The following ADAMTS9 variants were observed in gnomAD, a reference collection of about 807,000 sequenced individuals.
The protein encoded by ADAMTS9 is ADAM metallopeptidase with thrombospondin type 1 motif 9.
In ADAMTS9, 107 loss-of-function variants were observed where a neutral mutation model predicts 257.1. The ratio of observed to expected loss-of-function variants is 0.42; its 90% CI spans 0.36 to 0.49. The LOEUF (loss-of-function observed/expected upper bound fraction) is 0.49. ADAMTS9 is among the 20% of genes least tolerant of loss of function. The pLI is 0.03. For synonymous variants in ADAMTS9, 982 were observed against 880.9 expected, an observed-to-expected ratio of 1.11 and a Z score of -2.03; for missense variants, 2,353 against 2,469.1, an observed-to-expected ratio of 0.95 and a Z score of 1.00.
chr3:64,641,673 A>T (rs372878249), intron 12 of ADAMTS9, among the ~76,000 whole-genome samples, 175 bp downstream of exon 12: 4 of 152,082 alleles, frequency 2.6e-5, no homozygotes, highest in Admixed American at 6.5e-5. Flanking sequence ...ACAATAATAC[A>T]GGGGGAAGTG....
intron 3 of ADAMTS9, among the ~76,000 whole-genome samples, chr3:64,662,144 T>C (rs1023138262): frequency 1.2e-4 from 18 of 152,046 alleles, no homozygotes; most frequent in African/African-American, 3.9e-4. Context: ...TCTCAAAATA[T>C]TTTCTGCTTT....
chr3:64,533,197 T>C lies in ADAMTS9; in HGVS notation c.5687A>G (p.Asn1896Ser), dbSNP rs759457699. The C allele has an allele frequency of 6.2e-7, 1 of 1,614,122 alleles. No homozygotes were observed. The highest frequency in any genetic ancestry group is 8.5e-7 in the Non-Finnish European group (1 of 1,179,984). The change falls in exon 38 of 40, where the codon AAT becomes AGT. Residue 1896 changes from asparagine to serine, a missense_variant. Asn to Ser is a conservative substitution (Grantham distance 46). Coordinates refer to ENST00000498707, the MANE Select transcript of ADAMTS9 (RefSeq NM_182920.2). ...CTTCTTGATGTCAGAGACAGCATAA[T>C]TCCCTTGTGATATCCATCTGGCAGA... ...TESARWISQG[N>S]YAVSDIKKSP...
chr3:64,578,289 T>TAAA (rs59527905), intron 28 of ADAMTS9, among the ~76,000 whole-genome samples: 1 of 142,452 alleles, frequency 7.0e-6, no homozygotes, highest in African/African-American at 2.6e-5. Flanking sequence ...TTCCTTTGGT[T>TAAA]AAAAAAAAAA....
rs547963012 is a variant in ADAMTS9 at position 64,671,040 on chromosome 3, T to A, written c.679+10161A>T. ...ACAAGCCAGTAATCTTATGCCTAGGTATTTATCCAAATGAAGTGGAAACTT... is the reference window on the plus strand; with the variant it reads ...ACAAGCCAGTAATCTTATGCCTAGGAATTTATCCAAATGAAGTGGAAACTT... On this transcript the variant is annotated intron_variant, in intron 3 of 39. Transcript: ENST00000498707. 4.6e-5 allele frequency among the ~76,000 whole-genome samples: 7 copies of A among 152,310 alleles called. No individual in the cohort carries two copies. The South Asian group carries it at 6.2e-4, about 14-fold the overall frequency.
intron 6 of ADAMTS9, 127 bp downstream of exon 6, chr3:64,655,449 G>T: frequency 1.3e-6 from 1 of 751,166 alleles, no homozygotes; most frequent in Non-Finnish European, 2.3e-6. Context: ...GAATTGTCCA[G>T]CCCAAAATGT....
At chr3:64,614,164 G>T (rs1451551915) in intron 21 of ADAMTS9, among the ~76,000 whole-genome samples, 3 of 152,142 alleles carry the variant, frequency 2.0e-5, no homozygotes, top group Non-Finnish European at 4.4e-5. Context: ...TTTACAGTTT[G>T]ATCTCCCAAC....
chr3:64,606,982 G>A lies in ADAMTS9; in HGVS notation c.3452C>T (p.Ala1151Val), dbSNP rs1279896650. ...SVVDDNDCNA[A>V]TRPTDTQDCE... ...TACCTGGGTATCAGTTGGTCTAGTT[G>A]CTGCATTACAGTCATTGTCATCTAC... Residue 1151 changes from alanine (A) to valine (V), a missense_variant, in exon 23 of 40, where the codon GCA (alanine) becomes GTA (valine). By Grantham distance (64) the Ala-to-Val change is moderately conservative. This residue lies in a region of ADAMTS9 where 1,402 missense variants were observed against 1,441.4 expected (regional missense o/e 0.97). Coordinates refer to ENST00000498707, the MANE Select transcript of ADAMTS9 (RefSeq NM_182920.2). 1.2e-6 allele frequency: 2 copies of A among 1,613,832 alleles called. No individual in the cohort carries two copies. Among genetic ancestry groups the A allele is most frequent in the Non-Finnish European group, 1.7e-6 (2 of 1,179,792 alleles).
chr3:64,520,738 A>G (rs1257278593), intron 39 of ADAMTS9, among the ~76,000 whole-genome samples: 1 of 152,204 alleles, frequency 6.6e-6, no homozygotes, highest in African/African-American at 2.4e-5. Flanking sequence ...AAAACTGGCT[A>G]ACCATATACA....
At chr3:64,583,372 C>A (rs2084052634) in intron 28 of ADAMTS9, 1 of 152,216 alleles carries the variant, frequency 6.6e-6, no homozygotes, top group Non-Finnish European at 1.5e-5. Flanking sequence ...CCTGGAATCT[C>A]ACCTACATTT....
chr3:64,623,620 A>T (rs967275728), intron 16 of ADAMTS9, among the ~76,000 whole-genome samples: 2 of 152,216 alleles, frequency 1.3e-5, no homozygotes, highest in African/African-American at 4.8e-5. Context: ...GTTACACAGT[A>T]AAAGATTAAT....
intron 6 of ADAMTS9, among the ~76,000 whole-genome samples, chr3:64,655,373 G>A (rs889915608): frequency 6.6e-6 from 1 of 152,194 alleles, no homozygotes; most frequent in Non-Finnish European, 1.5e-5. Flanking sequence ...TGAGGGGAGG[G>A]AGTACTACTA....
At chr3:64,606,655 T>C (rs2084561179) in intron 23 of ADAMTS9, among the ~76,000 whole-genome samples, 1 of 152,216 alleles carries the variant, frequency 6.6e-6, no homozygotes, top group Non-Finnish European at 1.5e-5. Flanking sequence ...CACTAGTTAC[T>C]GAATACTACA....
At chr3:64,682,776 G>T (rs1701790885) in intron 2 of ADAMTS9, among the ~76,000 whole-genome samples, 1 of 152,216 alleles carries the variant, frequency 6.6e-6, no homozygotes, top group South Asian at 2.1e-4. Flanking sequence ...TAGGGCCCAA[G>T]AATTGAAATG....
chr3:64,658,982 C>G (rs1229114597), intron 3 of ADAMTS9, among the ~76,000 whole-genome samples, 191 bp from the exon 4 acceptor site: 4 of 152,196 alleles, frequency 2.6e-5, no homozygotes, highest in Admixed American at 2.6e-4. Flanking sequence ...GATTAGCTTC[C>G]CTGGGAAGCT....
Position 64,687,742 on chromosome 3 carries a change from G to T in ADAMTS9, c.-85C>A. 2 of 1,122,612 alleles carry T rather than the reference G, an allele frequency of 1.8e-6. No individual in the cohort carries two copies. Among genetic ancestry groups the T allele is most frequent in the Non-Finnish European group, 2.4e-6 (2 of 829,160 alleles). The allele number at this position is 1,122,612 out of a possible 1,614,324, so 69.5% of individuals were successfully genotyped here. On this transcript the variant is annotated 5_prime_UTR_variant, in exon 1 of 40. Coordinates refer to ENST00000498707, the MANE Select transcript of ADAMTS9 (RefSeq NM_182920.2). This position sits in a 1 kb window ranked among gnomAD's most constrained non-coding sequence, Gnocchi z 4.4. The stretch of plus-strand genomic sequence containing the variant: ...GCGGCGGCGACGCGAGGCAGCGGCC[G>T]TGGAGAGCGCGCGGAGCCCGGCGCC...
chr3:64,681,131 A>T (rs953948568), intron 3 of ADAMTS9, 70 bp downstream of exon 3: 2 of 1,516,244 alleles, frequency 1.3e-6, no homozygotes, highest in African/African-American at 2.8e-5. Context: ...AAAGAGAGCT[A>T]CATCTCTGTA....
At chr3:64,614,157 A>G (rs2084717794) in intron 21 of ADAMTS9, among the ~76,000 whole-genome samples, 1 of 152,236 alleles carries the variant, frequency 6.6e-6, no homozygotes, top group Non-Finnish European at 1.5e-5. Flanking sequence ...TAGTGAATTT[A>G]CAGTTTGATC....
chr3:64,612,871 G>C (rs1381155888), intron 22 of ADAMTS9, among the ~76,000 whole-genome samples: 1 of 152,130 alleles, frequency 6.6e-6, no homozygotes, highest in African/African-American at 2.4e-5. Context: ...TGCAACCTTT[G>C]ATCTAATTAA....
chr3:64,655,973 C>T, intron 4 of ADAMTS9, 98 bp from the exon 5 acceptor site: 1 of 682,164 alleles, frequency 1.5e-6, no homozygotes, highest in East Asian at 2.7e-5. Context: ...TTTTACGTTT[C>T]TTGCAACATA....
Sources: gnomAD v4.1 joint callset for allele counts (sites outside exome capture counted in the v4.1 genomes callset) on GRCh38, gnomAD v4.1.1 for gene constraint, gnomAD v4.1.1 regional missense constraint, Gnocchi (gnomAD v3.1) non-coding constraint, MANE v1.5 for transcripts, NCBI Gene and HGNC (gene_info 2026-07-23, HGNC 2026-07-21) for gene names.